The following NODAL variants were observed in gnomAD, a reference collection of about 807,000 sequenced individuals.
The protein encoded by NODAL is nodal growth differentiation factor.
Under a neutral mutation model 34.0 loss-of-function variants are expected in NODAL, and 12 were observed. That is an observed-to-expected ratio of 0.35 (90% CI 0.23 to 0.57). NODAL has a LOEUF of 0.57. Ranked by LOEUF, NODAL falls within the 20% of genes least tolerant of loss-of-function variation. The pLI, the probability that NODAL is intolerant of heterozygous loss-of-function variation, is 0.83. For missense variants in NODAL, 390 were observed against 444.2 expected, an observed-to-expected ratio of 0.88 and a Z score of 1.10; for synonymous variants, 162 against 186.4, an observed-to-expected ratio of 0.87 and a Z score of 1.07.
upstream of NODAL, among the ~76,000 whole-genome samples, chr10:70,445,023 C>T (rs911580178): frequency 1.3e-5 from 2 of 152,064 alleles, no homozygotes; most frequent in Admixed American, 6.6e-5. Flanking sequence ...CCAAGGATGG[C>T]AGCACAGGGA....
At chr10:70,440,469 G>T (rs906602166) in intron 1 of NODAL, among the ~76,000 whole-genome samples, 1 of 152,168 alleles carries the variant, frequency 6.6e-6, no homozygotes, top group Non-Finnish European at 1.5e-5. Context: ...CCGGCACCAG[G>T]TCACAAGGGG....
At position 70,432,994 on chromosome 10, in the gene NODAL, C is replaced by T. The variant is rs749630247; in HGVS notation, c.986G>A (p.Gly329Asp). 1.9e-6 allele frequency: 3 copies of T among 1,613,990 alleles called. No individual in the cohort carries two copies. The highest frequency in any genetic ancestry group is 2.5e-6 in the Non-Finnish European group (3 of 1,180,036). Residue 329 changes from glycine (G) to aspartate (D), a missense_variant, in exon 3 of 3, where the codon GGC (glycine) becomes GAC (aspartate). Coordinates refer to ENST00000287139, the MANE Select transcript of NODAL (RefSeq NM_018055.5). ...KPLSMLYVDN[G>D]RVLLDHHKDM... ...TTTATGGTGATCTAGGAGCACTCTG[C>T]CATTATCCACATACAGCATGCTCAG... is the stretch of plus-strand genomic sequence containing the variant.
upstream of NODAL, among the ~76,000 whole-genome samples, chr10:70,444,408 C>A (rs564492045): frequency 5.4e-4 from 81 of 151,386 alleles, no homozygotes; most frequent in African/African-American, 1.9e-3. Flanking sequence ...CGGTTCATTG[C>A]AGCCTCTACC....
In NODAL at chr10:70,433,006, T is replaced by C; in HGVS notation, c.974A>G (p.Tyr325Cys). The C allele has an allele frequency of 6.2e-7, 1 of 1,614,020 alleles. No individual in the cohort carries two copies. Among genetic ancestry groups the C allele is most frequent in the South Asian group, 1.1e-5 (1 of 91,056 alleles). Reference protein sequence around the residue: ...PVKTKPLSMLYVDNGRVLLDH... With the variant: ...PVKTKPLSMLCVDNGRVLLDH... The stretch of plus-strand genomic sequence containing the variant: ...TAGGAGCACTCTGCCATTATCCACA[T>C]ACAGCATGCTCAGCGGCTTGGTCTT... The change falls in exon 3 of 3, where the codon TAT (tyrosine) becomes TGT (cysteine). Residue 325 changes from tyrosine (Y) to cysteine (C), a missense_variant. By Grantham distance (194) the Tyr-to-Cys change is radical (BLOSUM62 -2). Transcript: ENST00000287139.
At position 70,435,789 on chromosome 10, in the gene NODAL, C is replaced by T. The variant is rs1277783829; in HGVS notation, c.388G>A (p.Glu130Lys). The change falls in exon 2 of 3, where the codon GAG becomes AAG. Residue 130 changes from glutamate (E) to lysine (K), a missense_variant. By Grantham distance (56) the Glu-to-Lys change is moderately conservative. Coordinates refer to ENST00000287139, the MANE Select transcript of NODAL (RefSeq NM_018055.5). ...DTEQASDSCL[E>K]RFQMDLFTVT... ...GTGAATAGGTCCATCTGAAACCGCTCTAAGCAGCTGTCTGAAGCCTGCTCT... is the reference window on the plus strand; with the variant it reads ...GTGAATAGGTCCATCTGAAACCGCTTTAAGCAGCTGTCTGAAGCCTGCTCT... 3 of 1,614,154 alleles carry T rather than the reference C, an allele frequency of 1.9e-6. No individual in the cohort carries two copies. In the South Asian group the frequency reaches 3.3e-5, roughly 18 times the overall value.
At chr10:70,445,418 C>T (rs1439570520), upstream of NODAL, among the ~76,000 whole-genome samples, 2 of 152,036 alleles carry the variant, frequency 1.3e-5, no homozygotes, top group African/African-American at 2.4e-5. Flanking sequence ...CCACCACGCC[C>T]GGCTAATTTT....
At position 70,435,754 on chromosome 10, in the gene NODAL, C is replaced by G; in HGVS notation, c.423G>C (p.Leu141Phe). The G allele has an allele frequency of 6.2e-7, 1 of 1,614,172 alleles. No individual in the cohort carries two copies. Among genetic ancestry groups the G allele is most frequent in the South Asian group, 1.1e-5 (1 of 91,076 alleles). ...RFQMDLFTVT[L>F]SQVTFSLGSM... ...TGCCCAAGGAAAAGGTGACCTGGGACAAAGTGACAGTGAATAGGTCCATCT... is the reference window on the plus strand; with the variant it reads ...TGCCCAAGGAAAAGGTGACCTGGGAGAAAGTGACAGTGAATAGGTCCATCT... Residue 141 changes from leucine to phenylalanine, a missense_variant, in exon 2 of 3, where the codon TTG (leucine) becomes TTC (phenylalanine). Physicochemically the swap from Leu to Phe is conservative, Grantham distance 22 (BLOSUM62 0). Transcript: ENST00000287139.
chr10:70,432,541 A>C lies in NODAL; in HGVS notation c.*395T>G, dbSNP rs1024535538. 8 of 328,536 alleles carry C rather than the reference A, an allele frequency of 2.4e-5. No homozygotes were observed. Among genetic ancestry groups the C allele is most frequent in the African/African-American group, 6.4e-5 (3 of 46,578 alleles). 20.4% of individuals were successfully genotyped at this position (328,536 alleles called of 1,614,324 possible). ...CAGACTACTTTGGAGAATACATGAAAGCTATAGGTGACTTCATCCCACCTC... is the reference window on the plus strand; with the variant it reads ...CAGACTACTTTGGAGAATACATGAACGCTATAGGTGACTTCATCCCACCTC... On this transcript the variant is annotated 3_prime_UTR_variant, in exon 3 of 3. Coordinates refer to ENST00000287139, the MANE Select transcript of NODAL (RefSeq NM_018055.5).
chr10:70,435,453 CT>C lies in NODAL; in HGVS notation c.723del (p.Asp242ThrfsTer17). The C allele has an allele frequency of 6.2e-7, 1 of 1,614,234 alleles. No individual in the cohort carries two copies. The highest frequency in any genetic ancestry group is 1.7e-5 in the Admixed American group (1 of 60,022). On this transcript the variant is annotated frameshift_variant, in exon 2 of 3. Coordinates refer to ENST00000287139, the MANE Select transcript of NODAL (RefSeq NM_018055.5). LOFTEE classifies it high-confidence loss of function. The stretch of plus-strand genomic sequence containing the variant: ...ACCTTCCGACACAGTTGACTTCTGT[CT>C]GGCAAGTGATGTCGACGGTGCCTCT... ...WGKRHRRHHL[P>X]DRSQLCRKVK...
Position 70,432,786 on chromosome 10 carries a change from G to A in NODAL, c.*150C>T. 1 of 853,478 alleles carries A rather than the reference G, an allele frequency of 1.2e-6. No individual in the cohort carries two copies. The highest frequency in any genetic ancestry group is 1.9e-6 in the Non-Finnish European group (1 of 517,534). The allele number at this position is 853,478 out of a possible 1,614,324, so 52.9% of individuals were successfully genotyped here. On this transcript the variant is annotated 3_prime_UTR_variant, in exon 3 of 3. Transcript: ENST00000287139. Reference sequence around the variant, plus strand: ...GACTCCACTGAGCCCTTCATTTACAGAGTGGGCAGCCCCTCCTCTTCAGTT... The same window carrying A: ...GACTCCACTGAGCCCTTCATTTACAAAGTGGGCAGCCCCTCCTCTTCAGTT...
rs1044095794 is a variant in NODAL, at chr10:70,432,236, G to A, written c.*700C>T. 2 of 154,024 alleles carry A rather than the reference G, an allele frequency of 1.3e-5. No homozygotes were observed. The highest frequency in any genetic ancestry group is 2.9e-5 in the Non-Finnish European group (2 of 69,242). The allele number at this position is 154,024 out of a possible 1,614,324, so 9.5% of individuals were successfully genotyped here. On this transcript the variant is annotated 3_prime_UTR_variant, in exon 3 of 3. Coordinates refer to ENST00000287139, the MANE Select transcript of NODAL (RefSeq NM_018055.5). ...TGCCGAAGCAGACTGACGCAGGGAT[G>A]TCTTCTGTAACCCAACATGGCCGGT...
At chr10:70,446,247 G>T (rs1328497325), upstream of NODAL, among the ~76,000 whole-genome samples, 2 of 152,190 alleles carry the variant, frequency 1.3e-5, no homozygotes, top group East Asian at 1.9e-4. Context: ...TGGGGGCAAA[G>T]TCCCTTGAGG....
At chr10:70,443,994 A>C (rs12774499), upstream of NODAL, among the ~76,000 whole-genome samples, 37 of 145,186 alleles carry the variant, frequency 2.5e-4, no homozygotes, top group African/African-American at 9.0e-4. Flanking sequence ...GTGCAATGGC[A>C]CGACCTTGGC....
chr10:70,444,168 G>C (rs1845463236), upstream of NODAL, among the ~76,000 whole-genome samples: 2 of 151,954 alleles, frequency 1.3e-5, no homozygotes, highest in Admixed American at 1.3e-4. Flanking sequence ...CCTGACCTCA[G>C]GCGATCCACC....
At chr10:70,440,686 C>A (rs528952168) in intron 1 of NODAL, among the ~76,000 whole-genome samples, 1 of 152,312 alleles carries the variant, frequency 6.6e-6, no homozygotes, top group Admixed American at 6.5e-5. Context: ...CTGCCAGGTC[C>A]TCGAGGGCGA....
rs111384600 is a variant in NODAL at position 70,433,352 on chromosome 10, AT to A, written c.892-265del. On this transcript the variant is annotated intron_variant, in intron 2 of 2. Transcript: ENST00000287139. ...CATGTATCTGGGTAGAGTAGTAGCT[AT>A]TTTTTTTTTTAAGTGGTAGCTAATT... 9.6e-3 allele frequency among the ~76,000 whole-genome samples: 1,426 copies of A among 148,438 alleles called. 11 individuals are homozygous for A. The highest frequency in any genetic ancestry group is 0.015 in the Non-Finnish European group (1,002 of 66,900).
chr10:70,435,377 T>G lies in NODAL; in HGVS notation c.800A>C (p.Tyr267Ser). 6.2e-7 allele frequency: 1 copy of G among 1,613,926 alleles called. No homozygotes were observed. Among genetic ancestry groups the G allele is most frequent in the South Asian group, 1.1e-5 (1 of 91,070 alleles). The change falls in exon 2 of 3, where the codon TAC becomes TCC. Residue 267 changes from tyrosine to serine, a missense_variant. Transcript: ENST00000287139. Reference sequence around the variant, plus strand: ...GCGATAGGCGTTGTACTGCTTGGGGTAGATGATCCAGGAGCCCCATCCGAT... The same window carrying G: ...GCGATAGGCGTTGTACTGCTTGGGGGAGATGATCCAGGAGCCCCATCCGAT... ...NLIGWGSWII[Y>S]PKQYNAYRCE...
rs1421137470 is a variant in NODAL, at chr10:70,432,930, A to G, written c.*6T>C. 29 of 1,613,954 alleles carry G rather than the reference A, an allele frequency of 1.8e-5. 1 individual carries two copies. The highest frequency in any genetic ancestry group is 2.2e-5 in the East Asian group (1 of 44,880). ...CAGGCAAATCCAGTCTCCCTCCAGG[A>G]TGTCATCAGAGGCACCCACATTCTT... On this transcript the variant is annotated 3_prime_UTR_variant, in exon 3 of 3. Coordinates refer to ENST00000287139, the MANE Select transcript of NODAL (RefSeq NM_018055.5).
At chr10:70,437,884 A>G (rs1845376535) in intron 1 of NODAL, among the ~76,000 whole-genome samples, 1 of 152,164 alleles carries the variant, frequency 6.6e-6, no homozygotes, top group Non-Finnish European at 1.5e-5. Context: ...ACAGGAGGCA[A>G]TAACCGGCCC....
Sources: allele counts gnomAD v4.1 joint callset (sites outside exome capture counted in the v4.1 genomes callset), GRCh38; gene constraint gnomAD v4.1.1; transcripts MANE v1.5; gene names NCBI Gene and HGNC (gene_info 2026-07-23, HGNC 2026-07-21).